The following CDK17 variants were observed in gnomAD, a reference collection of about 807,000 sequenced individuals.
CDK17 encodes cyclin dependent kinase 17.
Under a neutral mutation model 77.6 loss-of-function variants are expected in CDK17, and 24 were observed. The ratio of observed to expected loss-of-function variants is 0.31; its 90% CI spans 0.22 to 0.44. The LOEUF (loss-of-function observed/expected upper bound fraction) is 0.44, where lower values mean the gene tolerates loss of function less well. CDK17 is among the 20% of genes least tolerant of loss of function. The pLI, the probability that CDK17 is intolerant of heterozygous loss-of-function variation, is 1.00. For synonymous variants in CDK17, 203 were observed against 210.4 expected (o/e 0.96, Z 0.30); for missense variants, 429 against 622.5 (o/e 0.69, Z 3.31).
At chr12:96,286,021 T>C (rs1952241341) in intron 13 of CDK17, 22 bp downstream of exon 13, 2 of 1,222,064 alleles carry the variant, frequency 1.6e-6, no homozygotes, top group Non-Finnish European at 2.4e-6. Context: ...TTTCCCCCCT[T>C]TCACATAAGA....
At chr12:96,280,678 T>A in intron 16 of CDK17, 130 bp downstream of exon 16, 1 of 1,458,712 alleles carries the variant, frequency 6.9e-7, no homozygotes, top group Non-Finnish European at 9.0e-7. Context: ...ATGCTAAACA[T>A]AAACAGTTGT....
intron 1 of CDK17, 78 bp downstream of exon 1, chr12:96,399,908 G>A (rs1592782455): frequency 3.0e-6 from 1 of 335,254 alleles, no homozygotes; most frequent in Non-Finnish European, 5.4e-6. Flanking sequence ...CCCCGCCTCT[G>A]TCCCACGCAG....
chr12:96,341,112 A>C (rs1415412935), intron 1 of CDK17, among the ~76,000 whole-genome samples: 1 of 152,140 alleles, frequency 6.6e-6, no homozygotes, highest in Non-Finnish European at 1.5e-5. Context: ...CTGTTCCTAC[A>C]TTAGTTTGCT....
intron 1 of CDK17, among the ~76,000 whole-genome samples, chr12:96,397,142 A>C (rs1954184122): frequency 6.6e-6 from 1 of 152,234 alleles, no homozygotes; most frequent in African/African-American, 2.4e-5. Flanking sequence ...AAAGCAACAA[A>C]ATGATTTTAT....
At chr12:96,313,598 G>A (rs1952671267) in intron 3 of CDK17, 144 bp from the exon 4 acceptor site, 1 of 432,918 alleles carries the variant, frequency 2.3e-6, no homozygotes, top group Non-Finnish European at 4.0e-6. Flanking sequence ...CAGGTATGCA[G>A]TTAATAGATG....
intron 2 of CDK17, among the ~76,000 whole-genome samples, chr12:96,330,422 A>G (rs896548596): frequency 2.6e-5 from 4 of 152,204 alleles, no homozygotes; most frequent in African/African-American, 9.6e-5. Context: ...ATTCAGTGGC[A>G]TTTCATATAC....
Position 96,286,155 on chromosome 12 carries a change from T to TA in CDK17, c.1217-8dup, listed in dbSNP as rs752257370. On this transcript the variant is annotated splice_polypyrimidine_tract_variant and splice_region_variant and intron_variant, in intron 12 of 16. Coordinates refer to ENST00000261211, the MANE Select transcript of CDK17 (RefSeq NM_002595.5). ...GTTTCCTGAGATGGAGTTCCTGAAT[T>TA]AAAAAAAAAAATTAAATATATTTAT... 8.1e-3 allele frequency: 7,361 copies of TA among 905,090 alleles called. No homozygotes were observed. Among genetic ancestry groups the TA allele is most frequent in the East Asian group, 9.6e-3 (285 of 29,724 alleles). The allele number at this position is 905,090 out of a possible 1,614,324, so 56.1% of individuals were successfully genotyped here.
chr12:96,399,993 A>AGCGGGGACC lies in CDK17; in HGVS notation c.-46_-38dup, dbSNP rs1954233777. On this transcript the variant is annotated 5_prime_UTR_variant, in exon 1 of 17. Transcript: ENST00000261211. ...CGCCAGCCGCCAACTCACCAGCAAG[A>AGCGGGGACC]GCGGGGACCGCGGGTCCCGAGGCGA... 2.6e-6 allele frequency: 1 copy of AGCGGGGACC among 380,564 alleles called. No homozygotes were observed. Among genetic ancestry groups the AGCGGGGACC allele is most frequent in the East Asian group, 3.8e-5 (1 of 26,544 alleles). 23.6% of individuals were successfully genotyped at this position (380,564 alleles called of 1,614,324 possible). A position where few individuals can be genotyped will look rare whatever the true frequency, so the allele number is the denominator to read the frequency against.
intron 1 of CDK17, chr12:96,399,173 G>C (rs923681361): frequency 6.6e-6 from 1 of 152,470 alleles, no homozygotes; most frequent in Non-Finnish European, 1.5e-5. Context: ...GGGGGTGACA[G>C]GAGGGAGGGA....
At position 96,332,122 on chromosome 12, in the gene CDK17, C is replaced by T. The variant is rs535445328; in HGVS notation, c.118+2597G>A. ...CACAAACAACATTGTGTTACAACTA[C>T]CTACAGTATTCAGTACCATAATACA... On this transcript the variant is annotated intron_variant, in intron 2 of 16. Transcript: ENST00000261211. 4.6e-5 allele frequency among the ~76,000 whole-genome samples: 7 copies of T among 152,284 alleles called. No homozygotes were observed. In the South Asian group the frequency reaches 1.5e-3, roughly 32 times the overall value.
chr12:96,305,372 C>A (rs900249694), intron 5 of CDK17, among the ~76,000 whole-genome samples: 3 of 151,982 alleles, frequency 2.0e-5, no homozygotes, highest in African/African-American at 7.2e-5. Context: ...AATGTTGGTT[C>A]CTTAGTTGTG....
chr12:96,294,611 A>AAAAAAAAAAT (rs71097274), intron 10 of CDK17, among the ~76,000 whole-genome samples: 1,330 of 121,256 alleles, frequency 0.011, 62 homozygotes, highest in East Asian at 0.02. Context: ...AAAAAAAAAA[A>AAAAAAAAAAT]GATATATTTT....
Position 96,278,328 on chromosome 12 carries a change from T to A in CDK17, c.*1914A>T, listed in dbSNP as rs1183259366. 1.3e-5 allele frequency: 2 copies of A among 152,056 alleles called. No individual in the cohort carries two copies. Among genetic ancestry groups the A allele is most frequent in the Admixed American group, 6.5e-5 (1 of 15,270 alleles). The allele number at this position is 152,056 out of a possible 1,614,324, so 9.4% of individuals were successfully genotyped here. Reference sequence around the variant, plus strand: ...GCTATAATGTCAAATTTGCAACAAATCAAATATACATTCTATGAAGTGACA... The same window carrying A: ...GCTATAATGTCAAATTTGCAACAAAACAAATATACATTCTATGAAGTGACA... On this transcript the variant is annotated 3_prime_UTR_variant, in exon 17 of 17. Coordinates refer to ENST00000261211, the MANE Select transcript of CDK17 (RefSeq NM_002595.5).
intron 10 of CDK17, among the ~76,000 whole-genome samples, chr12:96,290,011 A>G (rs1172360010): frequency 6.6e-6 from 1 of 152,156 alleles, no homozygotes; most frequent in African/African-American, 2.4e-5. Flanking sequence ...AACACTAACA[A>G]CAGCCATGAC....
rs1223858787 is a variant in CDK17, at chr12:96,344,336, T to C, written c.-29-9471A>G. Reference sequence around the variant, plus strand: ...CTGATGAAAGACATGAATACATACATCCAAAAATTTCAAATAAATCCAAGA... The same window carrying C: ...CTGATGAAAGACATGAATACATACACCCAAAAATTTCAAATAAATCCAAGA... On this transcript the variant is annotated intron_variant, in intron 1 of 16. Transcript: ENST00000261211. 5.9e-4 allele frequency among the ~76,000 whole-genome samples: 89 copies of C among 151,948 alleles called. 1 individual carries two copies. Among genetic ancestry groups the C allele is most frequent in the Non-Finnish European group, 4.4e-5 (3 of 67,984 alleles).
intron 5 of CDK17, among the ~76,000 whole-genome samples, chr12:96,310,031 TG>T (rs1952626555): frequency 1.3e-5 from 2 of 152,158 alleles, no homozygotes; most frequent in East Asian, 3.9e-4. Flanking sequence ...ACAGGAATGG[TG>T]ATAGAAGCAT....
chr12:96,285,864 G>GT (rs1952239282), intron 13 of CDK17, 179 bp downstream of exon 13: 2 of 352,704 alleles, frequency 5.7e-6, no homozygotes, highest in Non-Finnish European at 1.0e-5. Context: ...TCTGGGAAAA[G>GT]TAACTACATA....
At position 96,311,199 on chromosome 12, in the gene CDK17, T is replaced by G. The variant is rs778158867; in HGVS notation, c.418-22A>C. On this transcript the variant is annotated intron_variant, in intron 4 of 16. Transcript: ENST00000261211. ...AATCCTTAAAAAAAAAAAAAGGTAA[T>G]CCAAAATAGTAAAGGCAAGGCATTT... 4.0e-6 allele frequency: 6 copies of G among 1,505,464 alleles called. No individual in the cohort carries two copies. The Admixed American group carries it at 1.6e-4, about 39-fold the overall frequency. 93.3% of individuals were successfully genotyped at this position (1,505,464 alleles called of 1,614,324 possible).
chr12:96,308,431 TATA>T (rs1267243302), intron 5 of CDK17, among the ~76,000 whole-genome samples: 1 of 151,398 alleles, frequency 6.6e-6, no homozygotes, highest in African/African-American at 2.4e-5. Flanking sequence ...AGTTCCATTA[TATA>T]ATAATATGTA....
Sources: allele counts gnomAD v4.1 joint callset (sites outside exome capture counted in the v4.1 genomes callset), GRCh38; gene constraint gnomAD v4.1.1; transcripts MANE v1.5; gene names NCBI Gene and HGNC (gene_info 2026-07-23, HGNC 2026-07-21).